DYNC2LI1: variants seen among roughly 807,000 people sequenced by gnomAD.
DYNC2LI1 encodes dynein cytoplasmic 2 light intermediate chain 1.
A neutral mutation model predicts 51.9 loss-of-function variants in DYNC2LI1; 45 were observed. That is an observed-to-expected ratio of 0.87 (90% CI 0.68 to 1.11). DYNC2LI1 has a LOEUF of 1.11. Among genes scored for constraint, DYNC2LI1 ranks in the 50% most tolerant of loss-of-function variants. The pLI is 0.00. For synonymous variants in DYNC2LI1, 130 were observed against 137.8 expected, an observed-to-expected ratio of 0.94 and a Z score of 0.40; for missense variants, 490 against 417.4, an observed-to-expected ratio of 1.17 and a Z score of -1.51.
the DYNC2LI1 span, among the ~76,000 whole-genome samples, chr2:43,815,342 T>G: frequency 6.6e-6 from 1 of 152,198 alleles, no homozygotes. Context: ...GCTTGAGAAC[T>G]TCAAAAGATG....
the DYNC2LI1 span, among the ~76,000 whole-genome samples, chr2:43,826,674 G>A: frequency 6.6e-6 from 1 of 152,356 alleles, no homozygotes; most frequent in Admixed American, 6.5e-5. Flanking sequence ...TTCAGCCTGA[G>A]CTCAGGAGAA....
At chr2:43,820,071 C>A in the DYNC2LI1 span, 1 of 1,614,090 alleles carries the variant, frequency 6.2e-7, no homozygotes, top group South Asian at 1.1e-5. Flanking sequence ...ATATCCAAAT[C>A]GGGCAACCTC....
chr2:43,811,055 G>C (rs1666463609), downstream of DYNC2LI1, among the ~76,000 whole-genome samples: 1 of 152,280 alleles, frequency 6.6e-6, no homozygotes, highest in African/African-American at 2.4e-5. Context: ...ATGTTTCTGA[G>C]CTAGAATGAA....
At chr2:43,827,916 CA>C in the DYNC2LI1 span, 1 of 1,605,160 alleles carries the variant, frequency 6.2e-7, no homozygotes, top group Admixed American at 1.7e-5. Flanking sequence ...AGAAAGGGCC[CA>C]AAGTATCTGC....
rs754662311 is a variant in DYNC2LI1, at chr2:43,792,648, C to T, written c.321-1809C>T. The T allele has an allele frequency of 4.2e-5, 64 of 1,531,210 alleles. No individual in the cohort carries two copies. The South Asian group carries it at 7.7e-4, about 18-fold the overall frequency. 94.9% of individuals were successfully genotyped at this position (1,531,210 alleles called of 1,614,324 possible). The stretch of plus-strand genomic sequence containing the variant: ...AAACTGAAACTCTTTACCTATTAAA[C>T]AATAACTCCTTGTTTTTCCTTCCCC... On this transcript the variant is annotated intron_variant, in intron 5 of 12. Coordinates refer to ENST00000260605, the MANE Select transcript of DYNC2LI1 (RefSeq NM_016008.4).
At chr2:43,815,213 C>T in the DYNC2LI1 span, among the ~76,000 whole-genome samples, 1 of 152,208 alleles carries the variant, frequency 6.6e-6, no homozygotes, top group Non-Finnish European at 1.5e-5. Context: ...TATGTCTCCT[C>T]TCCAATCTAT....
chr2:43,826,350 T>C, the DYNC2LI1 span: 1 of 1,613,268 alleles, frequency 6.2e-7, no homozygotes, highest in Non-Finnish European at 8.5e-7. Context: ...CAACACACCA[T>C]AGACCCGGCC....
chr2:43,776,650 GATT>G (rs1673038231), intron 1 of DYNC2LI1, 129 bp from the exon 2 acceptor site: 1 of 539,152 alleles, frequency 1.9e-6, no homozygotes, highest in Admixed American at 3.7e-5. Context: ...TGTTTTACCA[GATT>G]ATTGTTCCTC....
At chr2:43,810,028 T>G, downstream of DYNC2LI1, 1 of 934,784 alleles carries the variant, frequency 1.1e-6, no homozygotes, top group East Asian at 5.0e-5. Context: ...AAGTGGTATA[T>G]ACTCAATTCA....
intron 10 of DYNC2LI1, among the ~76,000 whole-genome samples, chr2:43,802,704 A>C (rs1240732904): frequency 6.6e-6 from 1 of 152,098 alleles, no homozygotes; most frequent in Non-Finnish European, 1.5e-5. Context: ...GGAATTAAAA[A>C]CTTTTGCTCT....
At chr2:43,814,739 A>T (rs1431073015), downstream of DYNC2LI1, 1 of 586,642 alleles carries the variant, frequency 1.7e-6, no homozygotes, top group Non-Finnish European at 3.0e-6. Context: ...AAAAACCTTC[A>T]AACAACATTG....
chr2:43,784,935 G>T (rs1236400209), intron 3 of DYNC2LI1, among the ~76,000 whole-genome samples: 1 of 152,110 alleles, frequency 6.6e-6, no homozygotes, highest in African/African-American at 2.4e-5. Context: ...GTGATATTCA[G>T]AATATTCAAT....
At chr2:43,774,168 C>A in intron 1 of DYNC2LI1, 22 bp downstream of exon 1, 1 of 1,613,478 alleles carries the variant, frequency 6.2e-7, no homozygotes, top group South Asian at 1.1e-5. Flanking sequence ...ACCCGGCTTG[C>A]GTGGGAAAGG....
At chr2:43,789,771 A>G (rs1673693367) in intron 5 of DYNC2LI1, 50 bp downstream of exon 5, 2 of 1,524,340 alleles carry the variant, frequency 1.3e-6, no homozygotes, top group Non-Finnish European at 1.8e-6. Flanking sequence ...GAGTGTCCCT[A>G]GGAGGAATAT....
chr2:43,808,264 G>GA (rs55874533), intron 12 of DYNC2LI1, among the ~76,000 whole-genome samples: 63,771 of 146,002 alleles, frequency 0.44, 14,747 homozygotes, highest in African/African-American at 0.61. Context: ...GAAGTTAAAG[G>GA]AAAAAAAAAA....
In DYNC2LI1 at chr2:43,800,042, A is replaced by G. The variant is rs565142765; in HGVS notation, c.655-799A>G. On this transcript the variant is annotated intron_variant, in intron 8 of 12. Transcript: ENST00000260605. ...ATAACGCTGATACCTTTGCTTCACA[A>G]TTAGATTTCATTTCAGTTCAAAGTT... Among the ~76,000 whole-genome samples the G allele has an allele frequency of 1.5e-4, 23 of 152,312 alleles. No homozygotes were observed. In the South Asian group the frequency reaches 4.4e-3, roughly 29 times the overall value.
chr2:43,803,237 T>C (rs1479166290), intron 10 of DYNC2LI1, among the ~76,000 whole-genome samples: 2 of 152,188 alleles, frequency 1.3e-5, no homozygotes, highest in Non-Finnish European at 2.9e-5. Flanking sequence ...TCATGGCAGC[T>C]TTATGTTTAG....
chr2:43,824,271 A>G, the DYNC2LI1 span: 1 of 1,614,214 alleles, frequency 6.2e-7, no homozygotes, highest in Non-Finnish European at 8.5e-7. Flanking sequence ...TTGGTTTTGA[A>G]AGGAACCATT....
the DYNC2LI1 span, chr2:43,820,243 G>A: frequency 4.5e-5 from 42 of 933,472 alleles, no homozygotes; most frequent in Admixed American, 4.4e-4. Flanking sequence ...TTGAAAGGCC[G>A]TTTTGGAAAG....
Sources: allele counts gnomAD v4.1 joint callset (sites outside exome capture counted in the v4.1 genomes callset), GRCh38; gene constraint gnomAD v4.1.1; transcripts MANE v1.5; gene names NCBI Gene and HGNC (gene_info 2026-07-23, HGNC 2026-07-21).